The following NRXN3 variants were observed in gnomAD, a reference collection of about 807,000 sequenced individuals.
NRXN3 encodes the protein neurexin III.
A neutral mutation model predicts 137.6 loss-of-function variants in NRXN3; 32 were observed. The ratio of observed to expected loss-of-function variants is 0.23; its 90% CI spans 0.18 to 0.31. The LOEUF is 0.31. NRXN3 is among the 10% of genes least tolerant of loss of function. The pLI is 1.00. For synonymous variants in NRXN3, 798 were observed against 784.5 expected (o/e 1.02, Z -0.29); for missense variants, 1,574 against 2,062.5 (o/e 0.76, Z 4.59).
At chr14:78,977,684 A>G (rs368416095) in intron 14 of NRXN3, among the ~76,000 whole-genome samples, 1 of 152,134 alleles carries the variant, frequency 6.6e-6, no homozygotes, top group African/African-American at 2.4e-5. Context: ...CTCTACTGTC[A>G]TGGAAGGTGC....
chr14:78,738,712 T>C (rs1306889536), intron 8 of NRXN3, among the ~76,000 whole-genome samples: 1 of 150,666 alleles, frequency 6.6e-6, no homozygotes, highest in African/African-American at 2.5e-5. Context: ...ATTTTCTTCT[T>C]CTTTGTCTTT....
intron 20 of NRXN3, among the ~76,000 whole-genome samples, chr14:79,850,961 C>A (rs1337890040): frequency 6.6e-6 from 1 of 152,154 alleles, no homozygotes; most frequent in African/African-American, 2.4e-5. Flanking sequence ...TGCAAAGTGA[C>A]AACCCTAAAT....
At chr14:79,860,968 T>C (rs975960860) in intron 20 of NRXN3, 7 of 863,622 alleles carry the variant, frequency 8.1e-6, no homozygotes, top group South Asian at 2.8e-5. Context: ...GCATAATCTG[T>C]GAATGACGTT....
intron 15 of NRXN3, among the ~76,000 whole-genome samples, chr14:79,358,607 G>GAAAAAGAAAGAAAGAA (rs10667477): frequency 1.3e-5 from 1 of 79,944 alleles, no homozygotes; most frequent in South Asian, 6.5e-4. Context: ...AAGAAAGAAA[G>GAAAAAGAAAGAAAGAA]AGAAAGAAAG....
At chr14:78,248,428 C>CT (rs1046772039) in intron 2 of NRXN3, among the ~76,000 whole-genome samples, 198 of 143,128 alleles carry the variant, frequency 1.4e-3, no homozygotes, top group African/African-American at 1.8e-3. Context: ...ATTTCAATTT[C>CT]TTTTTTTTTT....
At chr14:79,460,324 A>G (rs962815367) in intron 15 of NRXN3, among the ~76,000 whole-genome samples, 8 of 152,166 alleles carry the variant, frequency 5.3e-5, no homozygotes, top group Non-Finnish European at 1.0e-4. Flanking sequence ...AACATAACCT[A>G]TTATATCATG....
At chr14:78,409,669 C>T (rs1192375565) in intron 4 of NRXN3, among the ~76,000 whole-genome samples, 2 of 152,152 alleles carry the variant, frequency 1.3e-5, no homozygotes, top group African/African-American at 4.8e-5. Flanking sequence ...CAGGTTTGGT[C>T]AAGAGGCTGA....
chr14:79,199,607 G>C (rs1341954575), intron 15 of NRXN3, among the ~76,000 whole-genome samples: 1 of 152,222 alleles, frequency 6.6e-6, no homozygotes. Flanking sequence ...GACCATTTAA[G>C]GTGATATGTG....
chr14:79,600,037 A>T (rs751598217), intron 16 of NRXN3, among the ~76,000 whole-genome samples: 26 of 152,208 alleles, frequency 1.7e-4, no homozygotes, highest in Non-Finnish European at 3.4e-4. Flanking sequence ...ATAATTACTG[A>T]GGTGGCTATT....
At chr14:79,490,811 T>C (rs1053205156) in intron 16 of NRXN3, among the ~76,000 whole-genome samples, 4 of 152,152 alleles carry the variant, frequency 2.6e-5, no homozygotes, top group Admixed American at 2.6e-4. Context: ...AAGTAAAGAG[T>C]ATAATTGGAT....
intron 14 of NRXN3, among the ~76,000 whole-genome samples, chr14:78,981,240 G>C (rs892335583): frequency 1.3e-5 from 2 of 152,048 alleles, no homozygotes; most frequent in African/African-American, 4.8e-5. Context: ...AGTTTTCCTT[G>C]TAAAAAACAA....
chr14:79,698,039 T>A, intron 19 of NRXN3, 102 bp downstream of exon 19: 1 of 1,050,640 alleles, frequency 9.5e-7, no homozygotes, highest in Non-Finnish European at 1.4e-6. Context: ...AATTACTATG[T>A]AAGAAGGATG....
intron 1 of NRXN3, among the ~76,000 whole-genome samples, chr14:78,207,056 G>T (rs758563673): frequency 6.6e-6 from 1 of 151,954 alleles, no homozygotes; most frequent in Non-Finnish European, 1.5e-5. Context: ...TAGAGAAGGG[G>T]TTTCACCATG....
chr14:79,716,381 C>G (rs574348943), intron 19 of NRXN3, among the ~76,000 whole-genome samples: 16 of 152,262 alleles, frequency 1.1e-4, no homozygotes, highest in Middle Eastern at 6.8e-3. Flanking sequence ...GATGTAATGT[C>G]AATAATGTCA....
At chr14:79,589,550 T>TAAAAAAAAAAAAAAA (rs58740411) in intron 16 of NRXN3, among the ~76,000 whole-genome samples, 3 of 87,016 alleles carry the variant, frequency 3.4e-5, no homozygotes, top group African/African-American at 4.8e-5. Flanking sequence ...GTAGAATACC[T>TAAAAAAAAAAAAAAA]AAAAAAAAAA....
At chr14:78,332,887 A>T (rs183375492) in intron 4 of NRXN3, among the ~76,000 whole-genome samples, 2 of 152,050 alleles carry the variant, frequency 1.3e-5, no homozygotes, top group African/African-American at 4.8e-5. Flanking sequence ...CCTTTTCTTC[A>T]TGTGGTCTTT....
intron 15 of NRXN3, among the ~76,000 whole-genome samples, chr14:79,409,394 T>A (rs1277250767): frequency 6.6e-6 from 1 of 151,294 alleles, no homozygotes; most frequent in Non-Finnish European, 1.5e-5. Context: ...TGTGTATATG[T>A]ATACATTATG....
intron 15 of NRXN3, among the ~76,000 whole-genome samples, chr14:79,366,156 T>C (rs2093885369): frequency 6.6e-6 from 1 of 152,156 alleles, no homozygotes; most frequent in Non-Finnish European, 1.5e-5. Context: ...ATGTACTTAC[T>C]TTTTTAAAAA....
rs186051317 is a variant in NRXN3, at chr14:79,143,156, T to C, written c.3262+155015T>C. ...GAGGGCAAAAACAGTCAAGCCTTTC[T>C]CATTCATCCTTTGCAAACCCAGCAC... On this transcript the variant is annotated intron_variant, in intron 15 of 20. Transcript: ENST00000335750. Among the ~76,000 whole-genome samples, 42 of 152,338 alleles carry C rather than the reference T, an allele frequency of 2.8e-4. 1 individual carries two copies. The highest frequency in any genetic ancestry group is 2.5e-3 in the Admixed American group (39 of 15,308).
Sources: gnomAD v4.1 joint callset for allele counts (sites outside exome capture counted in the v4.1 genomes callset) on GRCh38, gnomAD v4.1.1 for gene constraint, MANE v1.5 for transcripts, NCBI Gene and HGNC (gene_info 2026-07-23, HGNC 2026-07-21) for gene names.